ARIH1: variants seen among roughly 807,000 people sequenced by gnomAD.
ARIH1 encodes E3 ubiquitin-protein ligase ARIH1.
A neutral mutation model predicts 85.0 loss-of-function variants in ARIH1; 8 were observed. The observed-to-expected ratio is 0.09, with a 90% CI of 0.06 to 0.17. The LOEUF (loss-of-function observed/expected upper bound fraction) is 0.17, where lower values mean the gene tolerates loss of function less well. Among genes scored for constraint, ARIH1 ranks in the 10% least tolerant of loss-of-function variants. ARIH1 has a pLI of 1.00. For synonymous variants in ARIH1, 238 were observed against 253.6 expected, an observed-to-expected ratio of 0.94 and a Z score of 0.59; for missense variants, 311 against 718.1, an observed-to-expected ratio of 0.43 and a Z score of 6.48.
rs147638286 is a variant in ARIH1 at position 72,512,888 on chromosome 15, A to G, written c.376-5179A>G. ...TTGTGGAATCATCTATTTGATTTCT[A>G]TCAGTTTTTTCTTTATTTTGAAGTT... On this transcript the variant is annotated intron_variant, in intron 1 of 13. Coordinates refer to ENST00000379887, the MANE Select transcript of ARIH1 (RefSeq NM_005744.5). Among the ~76,000 whole-genome samples, 52 of 152,148 alleles carry G rather than the reference A, an allele frequency of 3.4e-4. No individual in the cohort carries two copies. In the East Asian group the frequency reaches 5.4e-3, roughly 16 times the overall value.
At chr15:72,558,944 A>G (rs893803781) in intron 5 of ARIH1, among the ~76,000 whole-genome samples, 1 of 152,232 alleles carries the variant, frequency 6.6e-6, no homozygotes, top group Non-Finnish European at 1.5e-5. Flanking sequence ...CAATCAAGGC[A>G]TCTGACTTTT....
chr15:72,527,504 C>CTT (rs571017935), intron 2 of ARIH1, among the ~76,000 whole-genome samples: 3 of 146,654 alleles, frequency 2.0e-5, no homozygotes, highest in African/African-American at 7.5e-5. Context: ...ACCTTGCTAG[C>CTT]TTTTTTTTTT....
rs972115417 is a variant in ARIH1 at position 72,596,709 on chromosome 15, T to C, written c.*13417T>C. 3.9e-5 allele frequency: 6 copies of C among 152,210 alleles called. No homozygotes were observed. The allele number at this position is 152,210 out of a possible 1,614,324, so 9.4% of individuals were successfully genotyped here. On this transcript the variant is annotated 3_prime_UTR_variant, in exon 14 of 14. Coordinates refer to ENST00000379887, the MANE Select transcript of ARIH1 (RefSeq NM_005744.5). Reference sequence around the variant, plus strand: ...TAAGTTTTTTGATGCTTTCCAATGTTAACCTGTTAAACTTGTTTATTGAAT... The same window carrying C: ...TAAGTTTTTTGATGCTTTCCAATGTCAACCTGTTAAACTTGTTTATTGAAT...
chr15:72,583,466 G>T lies in ARIH1; in HGVS notation c.*174G>T. On this transcript the variant is annotated 3_prime_UTR_variant, in exon 14 of 14. Transcript: ENST00000379887. Reference sequence around the variant, plus strand: ...TAAGTAAATTATATTGTAATAAAAAGGTAGATAAACCATTGTACAACAGTA... The same window carrying T: ...TAAGTAAATTATATTGTAATAAAAATGTAGATAAACCATTGTACAACAGTA... The T allele has an allele frequency of 1.9e-6, 1 of 526,776 alleles. No individual in the cohort carries two copies. The highest frequency in any genetic ancestry group is 3.4e-6 in the Non-Finnish European group (1 of 298,506). The allele number at this position is 526,776 out of a possible 1,614,324, so 32.6% of individuals were successfully genotyped here.
intron 3 of ARIH1, among the ~76,000 whole-genome samples, chr15:72,551,225 A>G (rs1025142583): frequency 3.3e-5 from 5 of 152,234 alleles, no homozygotes; most frequent in African/African-American, 1.2e-4. Context: ...AAAGATTGCT[A>G]TGAAGAAAAC....
chr15:72,542,674 G>A (rs12148733), intron 2 of ARIH1, among the ~76,000 whole-genome samples: 96,385 of 152,024 alleles, frequency 0.63, 36,607 homozygotes, highest in South Asian at 0.85. Context: ...ATCTGGACTA[G>A]GGTGTTACTT....
chr15:72,518,455 T>C (rs188101316), intron 2 of ARIH1, among the ~76,000 whole-genome samples: 13 of 152,274 alleles, frequency 8.5e-5, no homozygotes, highest in Admixed American at 8.5e-4. Flanking sequence ...GATAACATTC[T>C]TGGAGTACAT....
At chr15:72,529,302 G>A (rs2064045065) in intron 2 of ARIH1, among the ~76,000 whole-genome samples, 1 of 152,198 alleles carries the variant, frequency 6.6e-6, no homozygotes. Context: ...GAGTGCAGTG[G>A]CGTGATCACA....
chr15:72,564,968 T>A (rs1327973466), intron 7 of ARIH1, among the ~76,000 whole-genome samples: 2 of 152,206 alleles, frequency 1.3e-5, no homozygotes, highest in African/African-American at 4.8e-5. Context: ...AACATTTATA[T>A]CCTGCTAGAA....
intron 2 of ARIH1, among the ~76,000 whole-genome samples, chr15:72,523,152 A>G (rs746215616): frequency 6.6e-6 from 1 of 152,234 alleles, no homozygotes; most frequent in Non-Finnish European, 1.5e-5. Context: ...AAATTACCCA[A>G]ATGAGTTGAA....
intron 11 of ARIH1, among the ~76,000 whole-genome samples, chr15:72,576,505 CAAAAAAAAAAAA>C (rs35725065): frequency 1.1e-4 from 7 of 63,276 alleles, no homozygotes; most frequent in African/African-American, 4.6e-4. Context: ...GACTCTGTCT[CAAAAAAAAAAAA>C]AAAAAAAAAA....
rs548859390 is a variant in ARIH1, at chr15:72,481,862, GTC to G, written c.375+6850_375+6851del. On this transcript the variant is annotated intron_variant, in intron 1 of 13. Coordinates refer to ENST00000379887, the MANE Select transcript of ARIH1 (RefSeq NM_005744.5). Reference sequence around the variant, plus strand: ...TTTTCTTTTCTTTTTTGGAGACAGAGTCTTTTCTCTCTTGCCCAGGCTGGGGT... The same window carrying G: ...TTTTCTTTTCTTTTTTGGAGACAGAGTTTTCTCTCTTGCCCAGGCTGGGGT... Among the ~76,000 whole-genome samples, 5 of 152,074 alleles carry G rather than the reference GTC, an allele frequency of 3.3e-5. No individual in the cohort carries two copies. In the South Asian group the frequency reaches 6.3e-4, roughly 19 times the overall value.
Position 72,595,767 on chromosome 15 carries a change from G to C in ARIH1, c.*12475G>C, listed in dbSNP as rs940578522. 2 of 151,396 alleles carry C rather than the reference G, an allele frequency of 1.3e-5. No individual in the cohort carries two copies. The highest frequency in any genetic ancestry group is 4.9e-5 in the African/African-American group (2 of 41,208). 9.4% of individuals were successfully genotyped at this position (151,396 alleles called of 1,614,324 possible). A position where few individuals can be genotyped will look rare whatever the true frequency, so the allele number is the denominator to read the frequency against. On this transcript the variant is annotated 3_prime_UTR_variant, in exon 14 of 14. Coordinates refer to ENST00000379887, the MANE Select transcript of ARIH1 (RefSeq NM_005744.5). ...CGAAGTGTTGGCATTACAGGCATGA[G>C]ACACAGTGCCCAGCCTATTGCAGTG...
intron 11 of ARIH1, among the ~76,000 whole-genome samples, chr15:72,579,374 G>A (rs1346785118): frequency 8.7e-6 from 1 of 115,196 alleles, no homozygotes; most frequent in Non-Finnish European, 1.9e-5. Flanking sequence ...TTCAGTGGTT[G>A]GGGGGGGAGC....
intron 1 of ARIH1, among the ~76,000 whole-genome samples, chr15:72,503,947 AC>A (rs1204623974): frequency 3.3e-5 from 5 of 152,146 alleles, no homozygotes; most frequent in African/African-American, 1.2e-4. Flanking sequence ...TCTTAGCTCC[AC>A]CGTCTGTGGA....
At chr15:72,482,100 T>G (rs774812752) in intron 1 of ARIH1, among the ~76,000 whole-genome samples, 17 of 152,138 alleles carry the variant, frequency 1.1e-4, no homozygotes, top group Non-Finnish European at 2.1e-4. Context: ...CCTCCCAAAG[T>G]GCTGGGATTA....
At chr15:72,552,424 A>C (rs2064156572) in intron 3 of ARIH1, among the ~76,000 whole-genome samples, 1 of 152,030 alleles carries the variant, frequency 6.6e-6, no homozygotes, top group African/African-American at 2.4e-5. Flanking sequence ...AGTAGCTGGG[A>C]TTACAGGCAT....
rs2064121910 is a variant in ARIH1, at chr15:72,544,748, A to G, written c.444-72A>G. 3.0e-6 allele frequency: 4 copies of G among 1,336,736 alleles called. 1 individual carries two copies. In the South Asian group the frequency reaches 6.8e-5, roughly 23 times the overall value. The allele number at this position is 1,336,736 out of a possible 1,614,324, so 82.8% of individuals were successfully genotyped here. On this transcript the variant is annotated intron_variant, in intron 2 of 13. Coordinates refer to ENST00000379887, the MANE Select transcript of ARIH1 (RefSeq NM_005744.5). ...CAACTTCTTGCTTTTCCCTATAGAAAGTCAGGTTTTTGGAGAGCTCTAACA... is the reference window on the plus strand; with the variant it reads ...CAACTTCTTGCTTTTCCCTATAGAAGGTCAGGTTTTTGGAGAGCTCTAACA...
At chr15:72,509,017 A>T in intron 1 of ARIH1, among the ~76,000 whole-genome samples, 1 of 128,794 alleles carries the variant, frequency 7.8e-6, no homozygotes. Flanking sequence ...TTTGAGACTG[A>T]GTCTTGCTCT....
Sources: allele counts gnomAD v4.1 joint callset (sites outside exome capture counted in the v4.1 genomes callset), GRCh38; gene constraint gnomAD v4.1.1; transcripts MANE v1.5; gene names NCBI Gene and HGNC (gene_info 2026-07-23, HGNC 2026-07-21).